Variants in ZRANB3 observed in about 807,000 individuals in gnomAD.
ZRANB3 encodes DNA annealing helicase and endonuclease ZRANB3.
ZRANB3 carries 125 observed loss-of-function variants against 133.8 expected under a neutral mutation model. That is an observed-to-expected ratio of 0.93 (90% CI 0.81 to 1.08). The LOEUF is 1.08. Among genes scored for constraint, ZRANB3 ranks in the 50% least tolerant of loss-of-function variants. ZRANB3 has a pLI of 0.00. For synonymous variants in ZRANB3, 387 were observed against 432.7 expected (o/e 0.89, Z 1.31); for missense variants, 1,229 against 1,275.5 (o/e 0.96, Z 0.56).
At chr2:135,417,913 G>A (rs1688663445) in intron 2 of ZRANB3, among the ~76,000 whole-genome samples, 1 of 152,066 alleles carries the variant, frequency 6.6e-6, no homozygotes, top group Non-Finnish European at 1.5e-5. Context: ...TGAACAATGA[G>A]AACACATGGA....
chr2:135,483,258 T>C (rs1195937876), intron 2 of ZRANB3, among the ~76,000 whole-genome samples: 1 of 152,168 alleles, frequency 6.6e-6, no homozygotes, highest in Non-Finnish European at 1.5e-5. Flanking sequence ...GGACTCTTTT[T>C]GGTTGGTAAG....
chr2:135,216,735 C>T (rs1694329128), intron 17 of ZRANB3, among the ~76,000 whole-genome samples: 1 of 152,096 alleles, frequency 6.6e-6, no homozygotes, highest in Admixed American at 6.5e-5. Flanking sequence ...CCACCGCGCG[C>T]AGCCTGCAAT....
chr2:135,271,903 A>C lies in ZRANB3; in HGVS notation c.1087-16T>G. On this transcript the variant is annotated splice_polypyrimidine_tract_variant and intron_variant, in intron 9 of 20. Transcript: ENST00000264159. ...TGTAACGAGTCTAGCATCAACAAGGAAAACGGCAAAATTAGGACAAGGCCC... is the reference window on the plus strand; with the variant it reads ...TGTAACGAGTCTAGCATCAACAAGGCAAACGGCAAAATTAGGACAAGGCCC... 6.2e-7 allele frequency: 1 copy of C among 1,605,376 alleles called. No homozygotes were observed. Among genetic ancestry groups the C allele is most frequent in the Non-Finnish European group, 8.5e-7 (1 of 1,176,886 alleles).
intron 3 of ZRANB3, among the ~76,000 whole-genome samples, chr2:135,388,851 C>A (rs1325149410): frequency 6.6e-6 from 1 of 151,884 alleles, no homozygotes; most frequent in Non-Finnish European, 1.5e-5. Context: ...CAGAGGCGGA[C>A]GGATCACCTG....
intron 16 of ZRANB3, 60 bp from the exon 17 acceptor site, chr2:135,217,667 G>T: frequency 3.8e-6 from 6 of 1,564,260 alleles, no homozygotes; most frequent in Non-Finnish European, 5.2e-6. Flanking sequence ...TCCTTTGAAT[G>T]TGAGCCTATT....
intron 8 of ZRANB3, among the ~76,000 whole-genome samples, chr2:135,295,983 C>T (rs909100788): frequency 2.6e-5 from 4 of 152,250 alleles, no homozygotes; most frequent in Admixed American, 1.3e-4. Context: ...GTGAGTAACC[C>T]GACCTTTCTC....
At chr2:135,360,699 C>T (rs763971580) in intron 3 of ZRANB3, among the ~76,000 whole-genome samples, 10 of 151,844 alleles carry the variant, frequency 6.6e-5, no homozygotes, top group Non-Finnish European at 8.8e-5. Flanking sequence ...AGTGAGACTC[C>T]GTCTCAAAAA....
At chr2:135,314,993 C>T (rs1683184214) in intron 7 of ZRANB3, among the ~76,000 whole-genome samples, 1 of 152,064 alleles carries the variant, frequency 6.6e-6, no homozygotes, top group South Asian at 2.1e-4. Context: ...AGGTGATCTG[C>T]CGACCTCAGG....
chr2:135,528,452 C>T (rs1209669620), intron 1 of ZRANB3, among the ~76,000 whole-genome samples: 1 of 152,104 alleles, frequency 6.6e-6, no homozygotes, highest in Admixed American at 6.5e-5. Context: ...CAGACCTCTA[C>T]AAGTCTTATT....
intron 2 of ZRANB3, among the ~76,000 whole-genome samples, chr2:135,395,117 T>C (rs1475555118): frequency 6.6e-6 from 1 of 152,110 alleles, no homozygotes; most frequent in Non-Finnish European, 1.5e-5. Flanking sequence ...TACAGAGCTA[T>C]TGTTACCAGC....
At chr2:135,491,166 G>C (rs968184739) in intron 2 of ZRANB3, among the ~76,000 whole-genome samples, 1 of 151,840 alleles carries the variant, frequency 6.6e-6, no homozygotes, top group Non-Finnish European at 1.5e-5. Flanking sequence ...AGGGACCGAG[G>C]GAAGCAATGA....
intron 6 of ZRANB3, among the ~76,000 whole-genome samples, chr2:135,339,373 C>T (rs1684523181): frequency 2.0e-5 from 3 of 151,618 alleles, no homozygotes; most frequent in Non-Finnish European, 4.4e-5. Context: ...CACTGCACTC[C>T]AGCCTGGGTG....
intron 2 of ZRANB3, among the ~76,000 whole-genome samples, chr2:135,410,948 C>A (rs1688274728): frequency 6.6e-6 from 1 of 152,074 alleles, no homozygotes; most frequent in African/African-American, 2.4e-5. Context: ...ATAAAGAAGT[C>A]AAAAAATAGG....
At chr2:135,323,685 CAT>C (rs1683653389) in intron 6 of ZRANB3, among the ~76,000 whole-genome samples, 1 of 152,082 alleles carries the variant, frequency 6.6e-6, no homozygotes, top group East Asian at 1.9e-4. Flanking sequence ...TCAAAAAAAA[CAT>C]GAGTTAAAAA....
At chr2:135,407,872 T>G (rs1440787099) in intron 2 of ZRANB3, among the ~76,000 whole-genome samples, 2 of 136,972 alleles carry the variant, frequency 1.5e-5, no homozygotes, top group Non-Finnish European at 3.0e-5. Flanking sequence ...ATAAAAACCC[T>G]AGAAGAAAAC....
chr2:135,404,892 T>C (rs1687932246), intron 2 of ZRANB3, among the ~76,000 whole-genome samples: 1 of 152,170 alleles, frequency 6.6e-6, no homozygotes, highest in Non-Finnish European at 1.5e-5. Context: ...CCATCGAGGC[T>C]AGGAAGAAAC....
chr2:135,367,209 T>C (rs986702455), intron 3 of ZRANB3, among the ~76,000 whole-genome samples: 16 of 152,168 alleles, frequency 1.1e-4, no homozygotes, highest in African/African-American at 3.1e-4. Flanking sequence ...TGGCCCATAG[T>C]GTGATCTCTT....
chr2:135,283,614 T>TAA (rs58462815), intron 8 of ZRANB3, among the ~76,000 whole-genome samples: 40 of 123,560 alleles, frequency 3.2e-4, no homozygotes, highest in East Asian at 4.8e-4. Context: ...AGACTCTGTC[T>TAA]AAAAAAAAAA....
In ZRANB3 at chr2:135,302,376, A is replaced by G. The variant is rs370549952; in HGVS notation, c.966+11113T>C. Among the ~76,000 whole-genome samples, 28 of 152,290 alleles carry G rather than the reference A, an allele frequency of 1.8e-4. No homozygotes were observed. The East Asian group carries it at 5.4e-3, about 29-fold the overall frequency. On this transcript the variant is annotated intron_variant, in intron 8 of 20. Transcript: ENST00000264159. ...AAAACTCTAGGGAACTGGGGAGGCA[A>G]GGATTGGCCTTCTGCTGCCATTAAT...
Sources: allele counts gnomAD v4.1 joint callset (sites outside exome capture counted in the v4.1 genomes callset), GRCh38; gene constraint gnomAD v4.1.1; transcripts MANE v1.5; gene names NCBI Gene and HGNC (gene_info 2026-07-23, HGNC 2026-07-21).